SPAG1: variants seen among roughly 807,000 people sequenced by gnomAD.
SPAG1 encodes sperm-associated antigen 1.
A neutral mutation model predicts 100.5 loss-of-function variants in SPAG1; 69 were observed. The ratio of observed to expected loss-of-function variants is 0.69; its 90% CI spans 0.57 to 0.84. The LOEUF is 0.84. SPAG1 is among the 40% of genes least tolerant of loss of function. The probability of loss-of-function intolerance (pLI) is 0.00; values close to 1 mark genes in which losing one functional copy is unlikely to be tolerated. For synonymous variants in SPAG1, 336 were observed against 411.6 expected (o/e 0.82, Z 2.22); for missense variants, 955 against 1,133.1 (o/e 0.84, Z 2.26).
intron 16 of SPAG1, among the ~76,000 whole-genome samples, chr8:100,236,464 G>A (rs947680570): frequency 6.6e-6 from 1 of 152,108 alleles, no homozygotes. Flanking sequence ...ATCTTCAAAG[G>A]CTACAACTGC....
At chr8:100,175,903 T>A (rs1816092992) in intron 3 of SPAG1, among the ~76,000 whole-genome samples, 1 of 152,192 alleles carries the variant, frequency 6.6e-6, no homozygotes, top group African/African-American at 2.4e-5. Context: ...CCCTCAAGGC[T>A]TGAGGGTTAA....
rs745418167 is a variant in SPAG1 at position 100,220,304 on chromosome 8, A to G, written c.1561A>G (p.Met521Val). 2.5e-5 allele frequency: 40 copies of G among 1,612,766 alleles called. No individual in the cohort carries two copies. The South Asian group carries it at 2.9e-4, about 12-fold the overall frequency. Residue 521 changes from methionine to valine, a missense_variant, in exon 13 of 19, where the codon ATG (methionine) becomes GTG (valine). Coordinates refer to ENST00000388798, the MANE Select transcript of SPAG1 (RefSeq NM_003114.5). ...GGCTCTGGAACTTCATCCATTCTCT[A>G]TGAAACCTCTTCTGAGGCGGGCGAT... Reference protein sequence around the residue: ...NRALELHPFSMKPLLRRAMAY... With the variant: ...NRALELHPFSVKPLLRRAMAY...
At chr8:100,212,879 C>T (rs1817772904) in intron 10 of SPAG1, among the ~76,000 whole-genome samples, 1 of 105,430 alleles carries the variant, frequency 9.5e-6, no homozygotes, top group Admixed American at 1.1e-4. Context: ...GGAGCCGAGT[C>T]CTCAGGAAGC....
At chr8:100,231,987 G>C (rs1613453) in intron 15 of SPAG1, among the ~76,000 whole-genome samples, 1 of 151,228 alleles carries the variant, frequency 6.6e-6, no homozygotes, top group Non-Finnish European at 1.5e-5. Context: ...TACTGTCTTA[G>C]GGAGAATGCC....
chr8:100,174,904 A>T (rs1816035929), intron 3 of SPAG1, among the ~76,000 whole-genome samples: 9 of 151,516 alleles, frequency 5.9e-5, no homozygotes, highest in Admixed American at 5.3e-4. Context: ...ACTCTATTGT[A>T]AATCCTATGA....
chr8:100,208,240 A>G (rs139719397), intron 10 of SPAG1, among the ~76,000 whole-genome samples: 8 of 152,228 alleles, frequency 5.3e-5, no homozygotes, highest in African/African-American at 1.2e-4. Flanking sequence ...CTTTAAGTCA[A>G]CTGGCTAAGA....
intron 3 of SPAG1, 137 bp from the exon 4 acceptor site, chr8:100,177,679 T>C: frequency 2.2e-6 from 1 of 447,452 alleles, no homozygotes; most frequent in Non-Finnish European, 3.8e-6. Flanking sequence ...TTTTCCAATA[T>C]TTTTACTGAA....
At chr8:100,229,543 G>A (rs1818672492) in intron 14 of SPAG1, among the ~76,000 whole-genome samples, 1 of 152,200 alleles carries the variant, frequency 6.6e-6, no homozygotes, top group South Asian at 2.1e-4. Context: ...GCCCATCCCT[G>A]AGCCAGTCTC....
chr8:100,208,500 C>A (rs763196224), intron 10 of SPAG1, among the ~76,000 whole-genome samples: 2 of 152,212 alleles, frequency 1.3e-5, no homozygotes, highest in Non-Finnish European at 2.9e-5. Context: ...AAACCACGAC[C>A]TGCCGAGGTG....
At chr8:100,219,169 G>A (rs776190250) in intron 12 of SPAG1, among the ~76,000 whole-genome samples, 11 of 152,220 alleles carry the variant, frequency 7.2e-5, no homozygotes, top group Non-Finnish European at 1.3e-4. Context: ...CTCTGTCAAT[G>A]TTTCCTCATT....
chr8:100,225,164 TCTC>T lies in SPAG1; in HGVS notation c.1689-8_1689-6del, dbSNP rs761530063. 6.3e-7 allele frequency: 1 copy of T among 1,592,694 alleles called. No individual in the cohort carries two copies. Among genetic ancestry groups the T allele is most frequent in the South Asian group, 1.1e-5 (1 of 89,750 alleles). On this transcript the variant is annotated splice_polypyrimidine_tract_variant and splice_region_variant and intron_variant, in intron 13 of 18. Coordinates refer to ENST00000388798, the MANE Select transcript of SPAG1 (RefSeq NM_003114.5). Reference sequence around the variant, plus strand: ...AATGATCAACAGAGAAAATTCACTTTCTCTTTAGGCTATCAAGAATTTTAATGG... The same window carrying T: ...AATGATCAACAGAGAAAATTCACTTTTTTAGGCTATCAAGAATTTTAATGG...
chr8:100,210,840 T>G (rs1192441797), intron 10 of SPAG1, among the ~76,000 whole-genome samples: 1 of 151,844 alleles, frequency 6.6e-6, no homozygotes, highest in Non-Finnish European at 1.5e-5. Context: ...ACTTTTTTTT[T>G]TTTTTGAGAT....
intron 10 of SPAG1, among the ~76,000 whole-genome samples, chr8:100,207,043 ATCT>A (rs1817543199): frequency 6.6e-6 from 1 of 152,238 alleles, no homozygotes. Flanking sequence ...AGGCCCTGCC[ATCT>A]TCTGCAGATA....
At chr8:100,204,378 G>A (rs1459038624) in intron 10 of SPAG1, among the ~76,000 whole-genome samples, 1 of 152,126 alleles carries the variant, frequency 6.6e-6, no homozygotes, top group East Asian at 1.9e-4. Context: ...ACAGAAATCT[G>A]GAGAACAGGC....
chr8:100,174,970 CTT>C (rs71274961), intron 3 of SPAG1, among the ~76,000 whole-genome samples: 81,823 of 136,102 alleles, frequency 0.6, 23,808 homozygotes, highest in African/African-American at 0.68. Context: ...TATTTCATGG[CTT>C]TTTTTTTTTT....
intron 14 of SPAG1, among the ~76,000 whole-genome samples, chr8:100,229,858 G>A (rs1224874585): frequency 6.6e-6 from 1 of 152,176 alleles, no homozygotes; most frequent in Non-Finnish European, 1.5e-5. Flanking sequence ...TCCACAGGTG[G>A]AGTGGCTGCA....
At chr8:100,196,492 C>T (rs1817037213) in intron 10 of SPAG1, among the ~76,000 whole-genome samples, 1 of 151,914 alleles carries the variant, frequency 6.6e-6, no homozygotes, top group African/African-American at 2.4e-5. Context: ...GCTCATTTAC[C>T]ATCTCTATAT....
At chr8:100,212,204 G>A (rs1817745638) in intron 10 of SPAG1, among the ~76,000 whole-genome samples, 1 of 152,100 alleles carries the variant, frequency 6.6e-6, no homozygotes, top group Non-Finnish European at 1.5e-5. Context: ...AAATAATTGT[G>A]CTTTTCTATT....
At position 100,162,410 on chromosome 8, in the gene SPAG1, T is replaced by C; in HGVS notation, c.130T>C (p.Cys44Arg). ...SDVKHLEKILCVLRSGEEGYY... is the reference protein window; with the variant it reads ...SDVKHLEKILRVLRSGEEGYY... ...TGTTAAACATCTGGAAAAAATTCTT[T>C]GCGTGCTCAGGTAAGCATTTTAAAA... Residue 44 changes from cysteine to arginine, a missense_variant, in exon 2 of 19, where the codon TGC (cysteine) becomes CGC (arginine). Transcript: ENST00000388798. 6.3e-7 allele frequency: 1 copy of C among 1,581,904 alleles called. No homozygotes were observed. Among genetic ancestry groups the C allele is most frequent in the Non-Finnish European group, 8.6e-7 (1 of 1,169,280 alleles).
Sources: gnomAD v4.1 joint callset for allele counts (sites outside exome capture counted in the v4.1 genomes callset) on GRCh38, gnomAD v4.1.1 for gene constraint, MANE v1.5 for transcripts, NCBI Gene and HGNC (gene_info 2026-07-23, HGNC 2026-07-21) for gene names.